Variants in NCAM1 observed in about 807,000 individuals in gnomAD.
The protein encoded by NCAM1 is antigen recognized by monoclonal antibody 5.1H11.
Under a neutral mutation model 109.8 loss-of-function variants are expected in NCAM1, and 14 were observed. The observed-to-expected ratio is 0.13, with a 90% CI of 0.08 to 0.20. The LOEUF is 0.20. Among genes scored for constraint, NCAM1 ranks in the 10% least tolerant of loss-of-function variants. NCAM1 has a pLI of 1.00. For missense variants in NCAM1, 774 were observed against 1,109.9 expected, an observed-to-expected ratio of 0.70 and a Z score of 4.30; for synonymous variants, 418 against 442.9, an observed-to-expected ratio of 0.94 and a Z score of 0.70.
In NCAM1 at chr11:113,172,365, G is replaced by A. The variant is rs576554312; in HGVS notation, c.53-30014G>A. Among the ~76,000 whole-genome samples the A allele has an allele frequency of 3.3e-5, 5 of 152,248 alleles. No homozygotes were observed. The East Asian group carries it at 9.7e-4, about 29-fold the overall frequency. ...GCTCATCCCCTCTACATTCCAAATAGCCGTCCTCACCTGTATTCCCAGCAG... is the reference window on the plus strand; with the variant it reads ...GCTCATCCCCTCTACATTCCAAATAACCGTCCTCACCTGTATTCCCAGCAG... On this transcript the variant is annotated intron_variant, in intron 1 of 19. Transcript: ENST00000316851.
chr11:113,123,550 C>G (rs1290904783), intron 1 of NCAM1, among the ~76,000 whole-genome samples: 3 of 152,178 alleles, frequency 2.0e-5, no homozygotes, highest in Non-Finnish European at 4.4e-5. Context: ...CACCACTGAC[C>G]ATGGCTGCCA....
At chr11:113,192,344 C>T (rs1340668410) in intron 1 of NCAM1, among the ~76,000 whole-genome samples, 2 of 152,200 alleles carry the variant, frequency 1.3e-5, no homozygotes, top group Non-Finnish European at 2.9e-5. Context: ...TGCATCCTTG[C>T]TCTACATTTT....
At chr11:113,033,153 G>A (rs1952771030) in intron 1 of NCAM1, among the ~76,000 whole-genome samples, 2 of 152,186 alleles carry the variant, frequency 1.3e-5, no homozygotes, top group South Asian at 4.1e-4. Flanking sequence ...TTTAGAATTA[G>A]GACCAGTAAT....
intron 1 of NCAM1, among the ~76,000 whole-genome samples, chr11:113,002,699 A>G (rs941290233): frequency 6.6e-6 from 1 of 152,156 alleles, no homozygotes; most frequent in Non-Finnish European, 1.5e-5. Flanking sequence ...CAATGAGAGA[A>G]TTATATTTTT....
chr11:113,056,332 A>G (rs782117016), intron 1 of NCAM1, among the ~76,000 whole-genome samples: 6 of 151,988 alleles, frequency 3.9e-5, no homozygotes, highest in Non-Finnish European at 5.9e-5. Flanking sequence ...TGTATTCGAT[A>G]ATACGGTAAG....
intron 1 of NCAM1, among the ~76,000 whole-genome samples, chr11:113,182,080 G>C (rs1476120836): frequency 6.6e-6 from 1 of 152,036 alleles, no homozygotes; most frequent in Non-Finnish European, 1.5e-5. Context: ...GATGTTATTT[G>C]GTAAAACACA....
At chr11:113,192,681 A>T (rs1415446372) in intron 1 of NCAM1, among the ~76,000 whole-genome samples, 1 of 152,164 alleles carries the variant, frequency 6.6e-6, no homozygotes, top group East Asian at 1.9e-4. Context: ...AGGACACAAA[A>T]AGAAAATGAG....
chr11:112,984,673 A>AAAAG (rs1951247900), intron 1 of NCAM1, among the ~76,000 whole-genome samples: 1 of 151,852 alleles, frequency 6.6e-6, no homozygotes, highest in African/African-American at 2.4e-5. Context: ...TTTTGTATAC[A>AAAAG]GTATCTGTTG....
At chr11:113,139,942 A>G (rs1267182022) in intron 1 of NCAM1, among the ~76,000 whole-genome samples, 1 of 152,238 alleles carries the variant, frequency 6.6e-6, no homozygotes, top group African/African-American at 2.4e-5. Flanking sequence ...TATGCAGATA[A>G]AAAATTGTAA....
chr11:113,088,077 G>T (rs1555088609), intron 1 of NCAM1, among the ~76,000 whole-genome samples: 1 of 152,188 alleles, frequency 6.6e-6, no homozygotes, highest in Non-Finnish European at 1.5e-5. Context: ...AAAACAAATG[G>T]TTCTGGAGTG....
intron 1 of NCAM1, among the ~76,000 whole-genome samples, chr11:113,080,977 T>G (rs1555087062): frequency 6.6e-6 from 1 of 152,234 alleles, no homozygotes; most frequent in Non-Finnish European, 1.5e-5. Flanking sequence ...TTCTTTTTAA[T>G]TAAGTTGCCG....
intron 1 of NCAM1, among the ~76,000 whole-genome samples, chr11:113,091,037 T>C (rs1406345451): frequency 2.0e-5 from 3 of 152,158 alleles, no homozygotes; most frequent in African/African-American, 7.2e-5. Context: ...AACAGAATAA[T>C]AGTGACTTGG....
chr11:113,147,976 A>G (rs1425670869), intron 1 of NCAM1, among the ~76,000 whole-genome samples: 6 of 152,262 alleles, frequency 3.9e-5, no homozygotes, highest in East Asian at 1.9e-4. Context: ...ATAAAATACT[A>G]TGTGTGAAAA....
chr11:113,204,182 G>C, intron 2 of NCAM1, 104 bp from the exon 3 acceptor site: 1 of 932,118 alleles, frequency 1.1e-6, no homozygotes, highest in Non-Finnish European at 1.6e-6. Context: ...AGCCTTGACT[G>C]ATCTGTTGTT....
chr11:113,011,604 C>T (rs1383502934), intron 1 of NCAM1, among the ~76,000 whole-genome samples: 1 of 152,132 alleles, frequency 6.6e-6, no homozygotes, highest in Non-Finnish European at 1.5e-5. Flanking sequence ...TCCTATTTCT[C>T]CACATCCTCT....
intron 1 of NCAM1, among the ~76,000 whole-genome samples, chr11:113,013,620 T>C (rs2135151566): frequency 6.6e-6 from 1 of 152,258 alleles, no homozygotes; most frequent in South Asian, 2.1e-4. Flanking sequence ...TCTTCCTCTA[T>C]GGGAGATTTT....
At chr11:113,084,325 G>A (rs563491864) in intron 1 of NCAM1, among the ~76,000 whole-genome samples, 123 of 152,216 alleles carry the variant, frequency 8.1e-4, no homozygotes, top group Middle Eastern at 3.4e-3. Context: ...TGTCAAACTG[G>A]AAGTGATCTT....
intron 1 of NCAM1, among the ~76,000 whole-genome samples, chr11:113,132,717 C>A (rs1555098631): frequency 6.6e-6 from 1 of 151,226 alleles, no homozygotes; most frequent in African/African-American, 2.4e-5. Flanking sequence ...GGGAACACTG[C>A]AGTTCCCCAG....
intron 1 of NCAM1, among the ~76,000 whole-genome samples, chr11:113,107,985 A>G (rs781865545): frequency 8.5e-5 from 13 of 152,206 alleles, no homozygotes; most frequent in Non-Finnish European, 5.9e-5. Context: ...TGGAAATTTT[A>G]TGGTCATTTG....
Sources: gnomAD v4.1 joint callset for allele counts (sites outside exome capture counted in the v4.1 genomes callset) on GRCh38, gnomAD v4.1.1 for gene constraint, MANE v1.5 for transcripts, NCBI Gene and HGNC (gene_info 2026-07-23, HGNC 2026-07-21) for gene names.